Variants in SNX29 observed in about 807,000 individuals in gnomAD.
The protein encoded by SNX29 is sorting nexin 29.
SNX29 carries 78 observed loss-of-function variants against 102.1 expected under a neutral mutation model. The ratio of observed to expected loss-of-function variants is 0.76; its 90% CI spans 0.64 to 0.92. SNX29 has a LOEUF of 0.92. SNX29 is among the 40% of genes least tolerant of loss of function. The probability of loss-of-function intolerance (pLI) is 0.00; values close to 1 mark genes in which losing one functional copy is unlikely to be tolerated. For synonymous variants in SNX29, 580 were observed against 414.5 expected, an observed-to-expected ratio of 1.40 and a Z score of -4.85; for missense variants, 1,280 against 1,061.7, an observed-to-expected ratio of 1.21 and a Z score of -2.86.
intron 18 of SNX29, among the ~76,000 whole-genome samples, chr16:12,456,771 G>A (rs1357281114): frequency 2.6e-5 from 4 of 152,152 alleles, no homozygotes; most frequent in Admixed American, 2.0e-4. Context: ...TCCTTTCAGG[G>A]AGAGGATGCA....
intron 4 of SNX29, among the ~76,000 whole-genome samples, chr16:12,031,095 C>G (rs1450032014): frequency 6.6e-6 from 1 of 151,488 alleles, no homozygotes; most frequent in African/African-American, 2.4e-5. Context: ...TTTTCTGAGA[C>G]AATGTCTTGC....
intron 13 of SNX29, among the ~76,000 whole-genome samples, chr16:12,164,089 G>GGT (rs983837448): frequency 1.3e-5 from 2 of 152,024 alleles, no homozygotes; most frequent in African/African-American, 4.8e-5. Flanking sequence ...TTGGAGGTGC[G>GGT]GTGTGTGTGT....
intron 11 of SNX29, among the ~76,000 whole-genome samples, chr16:12,108,358 G>T (rs2053355070): frequency 6.6e-6 from 1 of 152,212 alleles, no homozygotes; most frequent in African/African-American, 2.4e-5. Flanking sequence ...CTCCATGATG[G>T]TGAGTGGCTT....
At chr16:12,138,981 T>C (rs990702066) in intron 13 of SNX29, among the ~76,000 whole-genome samples, 4 of 151,964 alleles carry the variant, frequency 2.6e-5, no homozygotes, top group African/African-American at 7.2e-5. Flanking sequence ...GGTAGGTGGA[T>C]CACTGAGGTC....
intron 19 of SNX29, among the ~76,000 whole-genome samples, chr16:12,499,532 C>T (rs757167909): frequency 3.3e-5 from 5 of 152,268 alleles, no homozygotes; most frequent in Non-Finnish European, 7.4e-5. Context: ...ACAGGTCCAC[C>T]GCAGCTGTCA....
At chr16:12,431,634 G>C (rs552316739) in intron 18 of SNX29, among the ~76,000 whole-genome samples, 1 of 152,030 alleles carries the variant, frequency 6.6e-6, no homozygotes, top group Non-Finnish European at 1.5e-5. Context: ...GGGTCCATCT[G>C]TGTTACGTAA....
intron 18 of SNX29, among the ~76,000 whole-genome samples, chr16:12,423,759 A>G (rs1409287344): frequency 1.3e-5 from 2 of 152,020 alleles, no homozygotes; most frequent in Admixed American, 6.6e-5. Flanking sequence ...TTTAATAGAG[A>G]TGGGGTTTCG....
Position 12,537,110 on chromosome 16 carries a change from C to T in SNX29, c.2318+12269C>T, listed in dbSNP as rs116996859. ...ATCTCCACCCACGGTCAGTCCCTTT[C>T]CTCCCAGCTGTTGGTGAAATGGATC... is the stretch of plus-strand genomic sequence containing the variant. On this transcript the variant is annotated intron_variant, in intron 20 of 20. Coordinates refer to ENST00000566228, the MANE Select transcript of SNX29 (RefSeq NM_032167.5). Among the ~76,000 whole-genome samples the T allele has an allele frequency of 7.1e-3, 1,082 of 152,322 alleles. 10 individuals are homozygous for T. The highest frequency in any genetic ancestry group is 0.017 in the South Asian group (84 of 4,824).
intron 20 of SNX29, among the ~76,000 whole-genome samples, chr16:12,559,193 G>A (rs908011540): frequency 2.0e-5 from 3 of 152,034 alleles, no homozygotes; most frequent in Non-Finnish European, 4.4e-5. Flanking sequence ...GGGCTACACA[G>A]TGGGTGAGCA....
chr16:12,378,779 C>A (rs1209643759), intron 16 of SNX29, among the ~76,000 whole-genome samples: 1 of 152,144 alleles, frequency 6.6e-6, no homozygotes, highest in East Asian at 1.9e-4. Flanking sequence ...CTGCCTGACT[C>A]CGTTCTCACT....
intron 20 of SNX29, among the ~76,000 whole-genome samples, chr16:12,545,876 C>A (rs147372708): frequency 3.9e-5 from 6 of 152,150 alleles, no homozygotes; most frequent in African/African-American, 1.4e-4. Flanking sequence ...GAGCCTAAGC[C>A]GTGGGCATTG....
At chr16:12,458,317 A>G (rs1444040952) in intron 18 of SNX29, among the ~76,000 whole-genome samples, 2 of 152,104 alleles carry the variant, frequency 1.3e-5, no homozygotes, top group Non-Finnish European at 2.9e-5. Context: ...GGCGGGGGAC[A>G]GGTCTCCATA....
intron 20 of SNX29, among the ~76,000 whole-genome samples, chr16:12,553,429 C>G (rs888437716): frequency 2.6e-5 from 4 of 152,200 alleles, no homozygotes; most frequent in Non-Finnish European, 4.4e-5. Context: ...GTCTGACACA[C>G]TCCAACCTGC....
chr16:12,430,619 G>A (rs921260875), intron 18 of SNX29, among the ~76,000 whole-genome samples: 1 of 152,152 alleles, frequency 6.6e-6, no homozygotes, highest in African/African-American at 2.4e-5. Flanking sequence ...TTAATAAAGT[G>A]TTATTACTTG....
chr16:12,454,626 G>C (rs1203603087), intron 18 of SNX29, among the ~76,000 whole-genome samples: 1 of 152,234 alleles, frequency 6.6e-6, no homozygotes, highest in African/African-American at 2.4e-5. Context: ...GAACAGATCA[G>C]GCAGGGCCCT....
In SNX29 at chr16:12,096,475, C is replaced by T. The variant is rs2052772453; in HGVS notation, c.1402+17560C>T. Among the ~76,000 whole-genome samples the T allele has an allele frequency of 6.6e-6, 1 of 152,196 alleles. No individual in the cohort carries two copies. The highest frequency in any genetic ancestry group is 2.1e-4 in the South Asian group (1 of 4,826). ...AATGCAGATTTAAGAGTGCCAGCAC[C>T]ATGGGCTGTTGTGAGGACTAAATGA... On this transcript the variant is annotated intron_variant, in intron 11 of 20. Transcript: ENST00000566228. The surrounding 1 kb of genome is among the most constrained non-coding windows in gnomAD (Gnocchi z 4.2).
intron 18 of SNX29, among the ~76,000 whole-genome samples, chr16:12,412,095 C>T (rs2084419254): frequency 6.6e-6 from 1 of 152,158 alleles, no homozygotes; most frequent in Non-Finnish European, 1.5e-5. Context: ...AACCGAAGTT[C>T]AAGGGCGGTT....
At chr16:12,187,906 G>A (rs374868072) in intron 13 of SNX29, among the ~76,000 whole-genome samples, 2 of 152,160 alleles carry the variant, frequency 1.3e-5, no homozygotes, top group East Asian at 1.9e-4. Flanking sequence ...TGATGCAGCT[G>A]AGGGAAATCG....
intron 3 of SNX29, among the ~76,000 whole-genome samples, chr16:12,021,380 C>A (rs533398964): frequency 2.6e-5 from 4 of 151,822 alleles, no homozygotes; most frequent in Non-Finnish European, 5.9e-5. Context: ...GAGCGGAGAT[C>A]GCGCCACTGC....
Sources: allele counts gnomAD v4.1 joint callset (sites outside exome capture counted in the v4.1 genomes callset), GRCh38; gene constraint gnomAD v4.1.1; non-coding constraint Gnocchi (gnomAD v3.1); transcripts MANE v1.5; gene names NCBI Gene and HGNC (gene_info 2026-07-23, HGNC 2026-07-21).